LDLRAP1: variants seen among roughly 807,000 people sequenced by gnomAD.
LDLRAP1 encodes the protein low density lipoprotein receptor adapter protein 1.
LDLRAP1 carries 30 observed loss-of-function variants against 37.8 expected under a neutral mutation model. The observed-to-expected ratio is 0.79, with a 90% CI of 0.59 to 1.08. The LOEUF is 1.08. LDLRAP1 is among the 50% of genes least tolerant of loss of function. The pLI is 0.00. For missense variants in LDLRAP1, 375 were observed against 401.6 expected (o/e 0.93, Z 0.57); for synonymous variants, 156 against 169.8 (o/e 0.92, Z 0.63).
chr1:25,543,621 C>T lies in LDLRAP1; in HGVS notation c.-78C>T, dbSNP rs993420232. 3.9e-6 allele frequency: 4 copies of T among 1,037,874 alleles called. No homozygotes were observed. Among genetic ancestry groups the T allele is most frequent in the Non-Finnish European group, 4.9e-6 (4 of 820,378 alleles). 64.3% of individuals were successfully genotyped at this position (1,037,874 alleles called of 1,614,324 possible). On this transcript the variant is annotated 5_prime_UTR_variant, in exon 1 of 9. Transcript: ENST00000374338. ...TGGGAGGGGAGGAGCGCGCAGCCCG[C>T]GCGCCGCAGGGCCGGGCGGAAAGTT...
downstream of LDLRAP1, among the ~76,000 whole-genome samples, chr1:25,569,221 A>G (rs2044566786): frequency 6.6e-6 from 1 of 152,234 alleles, no homozygotes; most frequent in Non-Finnish European, 1.5e-5. Context: ...GTACGTGTCC[A>G]CGTGGGCGTT....
At chr1:25,575,262 G>A in the LDLRAP1 span, among the ~76,000 whole-genome samples, 2 of 152,110 alleles carry the variant, frequency 1.3e-5, no homozygotes, top group Non-Finnish European at 2.9e-5. Flanking sequence ...GAAAGAGCAT[G>A]GAGGTAGAAG....
In LDLRAP1 at chr1:25,554,503, G is replaced by A. The variant is rs1041564276; in HGVS notation, c.232-357G>A. 4.6e-5 allele frequency among the ~76,000 whole-genome samples: 7 copies of A among 152,216 alleles called. No homozygotes were observed. Among genetic ancestry groups the A allele is most frequent in the African/African-American group, 1.7e-4 (7 of 41,458 alleles). On this transcript the variant is annotated intron_variant, in intron 2 of 8. Transcript: ENST00000374338. This position sits in a 1 kb window ranked among gnomAD's most constrained non-coding sequence, Gnocchi z 5.4. ...CTCAGACCCCTCAGCTCAATGGATG[G>A]AGCAGAGTACTCAGGAGTCATCCTG...
the LDLRAP1 span, among the ~76,000 whole-genome samples, chr1:25,589,041 C>A: frequency 6.6e-6 from 1 of 152,266 alleles, no homozygotes; most frequent in East Asian, 1.9e-4. Flanking sequence ...TGGTGGCTTA[C>A]GCCTGTAATC....
the LDLRAP1 span, among the ~76,000 whole-genome samples, chr1:25,586,191 G>A: frequency 2.2e-4 from 33 of 152,158 alleles, no homozygotes; most frequent in Non-Finnish European, 4.4e-4. The surrounding 1 kb of genome is among the most constrained non-coding windows in gnomAD (Gnocchi z 4.3). Flanking sequence ...AAAGACAGGC[G>A]GTCCAGGGGC....
chr1:25,556,681 A>T (rs1450974161), intron 3 of LDLRAP1, among the ~76,000 whole-genome samples: 1 of 152,212 alleles, frequency 6.6e-6, no homozygotes, highest in Non-Finnish European at 1.5e-5. Context: ...AAGAGGCAGC[A>T]TGGCAGTCAT....
At chr1:25,562,860 G>A (rs2044376864) in intron 5 of LDLRAP1, 144 bp downstream of exon 5, 14 of 834,546 alleles carry the variant, frequency 1.7e-5, no homozygotes, top group South Asian at 2.8e-5. Context: ...TCAGAGTCTC[G>A]GTTTTCCCAT....
rs1032196624 is a variant in LDLRAP1, at chr1:25,568,862, T to G, written c.*1870T>G. 1 of 152,238 alleles carries G rather than the reference T, an allele frequency of 6.6e-6. No homozygotes were observed. Among genetic ancestry groups the G allele is most frequent in the Non-Finnish European group, 1.5e-5 (1 of 68,038 alleles). 9.4% of individuals were successfully genotyped at this position (152,238 alleles called of 1,614,324 possible). A position where few individuals can be genotyped will look rare whatever the true frequency, so the allele number is the denominator to read the frequency against. ...ACTTTAATGAGGAAAAAACAAATAA[T>G]AAATGTTCTCGTTTTGAAACTCAAG... On this transcript the variant is annotated 3_prime_UTR_variant, in exon 9 of 9. Coordinates refer to ENST00000374338, the MANE Select transcript of LDLRAP1 (RefSeq NM_015627.3).
intron 4 of LDLRAP1, among the ~76,000 whole-genome samples, chr1:25,559,928 C>T (rs1237676229): frequency 6.6e-6 from 1 of 152,152 alleles, no homozygotes; most frequent in Non-Finnish European, 1.5e-5. Context: ...TACCTGGAAC[C>T]CAGGGGGGCT....
chr1:25,563,978 T>A (rs1274250700), intron 7 of LDLRAP1, 187 bp downstream of exon 7: 3 of 721,500 alleles, frequency 4.2e-6, no homozygotes, highest in Non-Finnish European at 4.7e-6. Flanking sequence ...TGAGGCTGCA[T>A]CCCCAACAGG....
Position 25,567,444 on chromosome 1 carries a change from C to T in LDLRAP1, c.*452C>T. On this transcript the variant is annotated 3_prime_UTR_variant, in exon 9 of 9. Coordinates refer to ENST00000374338, the MANE Select transcript of LDLRAP1 (RefSeq NM_015627.3). ...GCTGTTGGATTTCAGTGATTTTTCC[C>T]CCCACCCCCCAGCACAGGAGAGCAC... The T allele has an allele frequency of 3.2e-6, 1 of 314,406 alleles. No individual in the cohort carries two copies. The highest frequency in any genetic ancestry group is 6.2e-6 in the Non-Finnish European group (1 of 161,872). 19.5% of individuals were successfully genotyped at this position (314,406 alleles called of 1,614,324 possible).
At position 25,552,696 on chromosome 1, in the gene LDLRAP1, G is replaced by A. The variant is rs78091517; in HGVS notation, c.89-1226G>A. Among the ~76,000 whole-genome samples, 187 of 152,302 alleles carry A rather than the reference G, an allele frequency of 1.2e-3. 2 individuals carry two copies. Among genetic ancestry groups the A allele is most frequent in the African/African-American group, 4.1e-3 (170 of 41,562 alleles). On this transcript the variant is annotated intron_variant, in intron 1 of 8. Transcript: ENST00000374338. Reference sequence around the variant, plus strand: ...CTTCATGTCCTCCTTCCGAGGAGCCGGGGATGGTCAGAAACTGTCAGTGCA... The same window carrying A: ...CTTCATGTCCTCCTTCCGAGGAGCCAGGGATGGTCAGAAACTGTCAGTGCA...
intron 8 of LDLRAP1, among the ~76,000 whole-genome samples, chr1:25,566,561 A>T (rs957038639): frequency 6.7e-5 from 8 of 119,976 alleles, no homozygotes; most frequent in African/African-American, 2.5e-4. Flanking sequence ...TCCCTTTACC[A>T]GCCCCTTCTC....
At chr1:25,563,813 A>G in intron 7 of LDLRAP1, 22 bp downstream of exon 7, 1 of 1,613,276 alleles carries the variant, frequency 6.2e-7, no homozygotes, top group South Asian at 1.1e-5. Context: ...TGTGGCCAGC[A>G]GATCGGTGAT....
the LDLRAP1 span, among the ~76,000 whole-genome samples, chr1:25,580,277 C>T: frequency 3.3e-5 from 5 of 152,086 alleles, no homozygotes; most frequent in African/African-American, 1.2e-4. Flanking sequence ...GTTCACTAGG[C>T]TCGAGGCCGG....
the LDLRAP1 span, among the ~76,000 whole-genome samples, chr1:25,578,461 T>C: frequency 6.6e-6 from 1 of 152,104 alleles, no homozygotes; most frequent in African/African-American, 2.4e-5. Context: ...CTAACCCCGT[T>C]AGACATCATT....
intron 1 of LDLRAP1, among the ~76,000 whole-genome samples, chr1:25,549,297 G>C (rs1257909575): frequency 6.6e-6 from 1 of 152,208 alleles, no homozygotes; most frequent in Non-Finnish European, 1.5e-5. Flanking sequence ...GGCCTCTGAG[G>C]CCATCTCCCC....
At chr1:25,573,745 G>A (rs1271737640), downstream of LDLRAP1, among the ~76,000 whole-genome samples, 1 of 152,198 alleles carries the variant, frequency 6.6e-6, no homozygotes, top group African/African-American at 2.4e-5. Flanking sequence ...GAACTGACCT[G>A]ATCGAGATGT....
At chr1:25,543,915 C>T in intron 1 of LDLRAP1, 129 bp downstream of exon 1, 1 of 504,282 alleles carries the variant, frequency 2.0e-6, no homozygotes, top group Non-Finnish European at 2.9e-6. Context: ...CCCGGCGTGG[C>T]CCTTTCCCGG....
Sources: allele counts gnomAD v4.1 joint callset (sites outside exome capture counted in the v4.1 genomes callset), GRCh38; gene constraint gnomAD v4.1.1; non-coding constraint Gnocchi (gnomAD v3.1); transcripts MANE v1.5; gene names NCBI Gene and HGNC (gene_info 2026-07-23, HGNC 2026-07-21).